The following PCDH15 variants were observed in gnomAD, a reference collection of about 807,000 sequenced individuals.
PCDH15 encodes protocadherin-15.
In PCDH15, 129 loss-of-function variants were observed where a neutral mutation model predicts 178.5. The ratio of observed to expected loss-of-function variants is 0.72; its 90% CI spans 0.63 to 0.84. The LOEUF is 0.84. PCDH15 is among the 40% of genes least tolerant of loss of function. PCDH15 has a pLI of 0.00. For synonymous variants in PCDH15, 800 were observed against 732.0 expected (o/e 1.09, Z -1.50); for missense variants, 2,230 against 2,099.9 (o/e 1.06, Z -1.21).
intron 2 of PCDH15, among the ~76,000 whole-genome samples, chr10:55,494,582 A>G (rs1840491349): frequency 6.6e-6 from 1 of 151,466 alleles, no homozygotes; most frequent in African/African-American, 2.4e-5. Context: ...ATTCCATTTA[A>G]TAACTTTTAT....
chr10:55,109,364 AAAC>A (rs1328254608), intron 2 of PCDH15, among the ~76,000 whole-genome samples: 1 of 152,190 alleles, frequency 6.6e-6, no homozygotes, highest in East Asian at 1.9e-4. Flanking sequence ...TTATCCAATA[AAAC>A]TTATTACCCT....
chr10:55,482,490 G>A (rs891789027), intron 2 of PCDH15, among the ~76,000 whole-genome samples: 4 of 151,686 alleles, frequency 2.6e-5, no homozygotes, highest in Non-Finnish European at 4.4e-5. Flanking sequence ...CTTCCTTTAG[G>A]AGCTCTTACA....
chr10:55,527,183 C>G (rs1188353136), intron 2 of PCDH15, among the ~76,000 whole-genome samples: 1 of 152,040 alleles, frequency 6.6e-6, no homozygotes, highest in Non-Finnish European at 1.5e-5. Context: ...ATATTCGTTT[C>G]TTATGACTGC....
At chr10:54,247,966 A>G (rs1209225980) in intron 8 of PCDH15, among the ~76,000 whole-genome samples, 3 of 146,746 alleles carry the variant, frequency 2.0e-5, no homozygotes, top group South Asian at 2.1e-4. Context: ...ATATACACAT[A>G]CAGTAAATGA....
intron 2 of PCDH15, among the ~76,000 whole-genome samples, chr10:55,517,693 T>A (rs1408461640): frequency 6.6e-6 from 1 of 152,146 alleles, no homozygotes; most frequent in Non-Finnish European, 1.5e-5. Context: ...TGCTAAAACC[T>A]GTATATAGAT....
chr10:54,044,837 A>G (rs1911404), intron 18 of PCDH15, among the ~76,000 whole-genome samples: 2 of 152,126 alleles, frequency 1.3e-5, no homozygotes, highest in Non-Finnish European at 2.9e-5. Context: ...TACACATTTG[A>G]AGTATGAGTT....
chr10:53,900,201 TCTAAA>T (rs1478305582), intron 26 of PCDH15, among the ~76,000 whole-genome samples: 2 of 142,934 alleles, frequency 1.4e-5, no homozygotes, highest in Non-Finnish European at 3.0e-5. Context: ...TCTCTCTCTC[TCTAAA>T]CTTTCTCTCT....
chr10:55,540,890 T>C (rs760221522), intron 2 of PCDH15, among the ~76,000 whole-genome samples: 6 of 152,206 alleles, frequency 3.9e-5, no homozygotes, highest in Middle Eastern at 3.4e-3. Flanking sequence ...ATACTACATA[T>C]AACGTCTGTA....
intron 2 of PCDH15, among the ~76,000 whole-genome samples, chr10:55,016,414 TC>T (rs1840181196): frequency 6.6e-6 from 1 of 152,082 alleles, no homozygotes; most frequent in Non-Finnish European, 1.5e-5. Flanking sequence ...CCCATCACCT[TC>T]CCCAGCCCCC....
intron 2 of PCDH15, among the ~76,000 whole-genome samples, chr10:55,095,639 A>C (rs1259456867): frequency 6.6e-6 from 1 of 152,102 alleles, no homozygotes; most frequent in African/African-American, 2.4e-5. Context: ...TTATTTAATT[A>C]TTATGAATTT....
At chr10:54,630,762 A>G (rs1270151499) in intron 2 of PCDH15, among the ~76,000 whole-genome samples, 2 of 152,192 alleles carry the variant, frequency 1.3e-5, no homozygotes, top group Admixed American at 6.6e-5. Context: ...TGCAACTTAC[A>G]GAAGTCTAAT....
At chr10:55,151,389 T>C (rs1838707989) in intron 2 of PCDH15, among the ~76,000 whole-genome samples, 1 of 152,140 alleles carries the variant, frequency 6.6e-6, no homozygotes, top group Non-Finnish European at 1.5e-5. Context: ...CTAAGTATTC[T>C]ATTAAGTGAC....
intron 1 of PCDH15, among the ~76,000 whole-genome samples, chr10:55,290,127 C>T (rs996888625): frequency 1.3e-5 from 2 of 151,696 alleles, no homozygotes; most frequent in African/African-American, 4.9e-5. Flanking sequence ...TAAACAAAGG[C>T]ATCTATCATT....
At chr10:54,996,480 T>C (rs896004600) in intron 2 of PCDH15, among the ~76,000 whole-genome samples, 6 of 152,138 alleles carry the variant, frequency 3.9e-5, no homozygotes, top group African/African-American at 1.4e-4. Flanking sequence ...GTTTTGGTTA[T>C]TGTTTGTGTG....
At chr10:55,070,750 G>T (rs1457683355) in intron 2 of PCDH15, among the ~76,000 whole-genome samples, 4 of 152,058 alleles carry the variant, frequency 2.6e-5, no homozygotes, top group Non-Finnish European at 5.9e-5. Context: ...GGATTGACTT[G>T]GTGATGTGGG....
At chr10:54,113,835 T>A (rs2095066987) in intron 15 of PCDH15, among the ~76,000 whole-genome samples, 2 of 152,120 alleles carry the variant, frequency 1.3e-5, no homozygotes, top group Non-Finnish European at 2.9e-5. Context: ...AACTGTGTAA[T>A]TTATAAAGAA....
At chr10:54,277,083 G>A (rs972345514) in intron 8 of PCDH15, among the ~76,000 whole-genome samples, 1 of 151,532 alleles carries the variant, frequency 6.6e-6, no homozygotes, top group Non-Finnish European at 1.5e-5. Flanking sequence ...GCATGGAGGT[G>A]TTGTCACTCT....
intron 2 of PCDH15, among the ~76,000 whole-genome samples, chr10:55,491,100 A>G (rs961445309): frequency 6.6e-6 from 1 of 151,768 alleles, no homozygotes; most frequent in East Asian, 2.0e-4. Context: ...AATCCTTGGC[A>G]TTTCAGTCAC....
chr10:55,625,949 A>G (rs1418133074), intron 2 of PCDH15, among the ~76,000 whole-genome samples: 2 of 152,142 alleles, frequency 1.3e-5, no homozygotes, highest in Admixed American at 1.3e-4. Context: ...CTGGTTCAGC[A>G]GGAAGCCTAG....
Sources: gnomAD v4.1 joint callset for allele counts (sites outside exome capture counted in the v4.1 genomes callset) on GRCh38, gnomAD v4.1.1 for gene constraint, MANE v1.5 for transcripts, NCBI Gene and HGNC (gene_info 2026-07-23, HGNC 2026-07-21) for gene names.